Variants in ZMIZ1 observed in about 807,000 individuals in gnomAD.
The protein encoded by ZMIZ1 is zinc finger MIZ domain-containing protein 1.
In ZMIZ1, 17 loss-of-function variants were observed where a neutral mutation model predicts 113.9. The ratio of observed to expected loss-of-function variants is 0.15; its 90% CI spans 0.10 to 0.22. The LOEUF (loss-of-function observed/expected upper bound fraction) is 0.22. Ranked by LOEUF, ZMIZ1 falls within the 10% of genes least tolerant of loss-of-function variation. The pLI, the probability that ZMIZ1 is intolerant of heterozygous loss-of-function variation, is 1.00. For synonymous variants in ZMIZ1, 607 were observed against 603.1 expected (o/e 1.01, Z -0.09); for missense variants, 1,059 against 1,477.8 (o/e 0.72, Z 4.65).
chr10:79,106,937 C>A (rs1447017360), intron 1 of ZMIZ1, among the ~76,000 whole-genome samples: 1 of 152,276 alleles, frequency 6.6e-6, no homozygotes, highest in East Asian at 1.9e-4. Flanking sequence ...CCTGCCTGAA[C>A]AGGCATTTGG....
intron 3 of ZMIZ1, among the ~76,000 whole-genome samples, chr10:79,145,096 C>T (rs555657230): frequency 2.8e-4 from 43 of 152,112 alleles, no homozygotes; most frequent in African/African-American, 9.9e-4. Context: ...CTCCTTCCTG[C>T]CCTCTTTCCC....
intron 3 of ZMIZ1, among the ~76,000 whole-genome samples, chr10:79,153,835 T>C (rs1362734629): frequency 2.6e-5 from 4 of 152,234 alleles, no homozygotes; most frequent in African/African-American, 9.6e-5. Flanking sequence ...AACAGGACTT[T>C]CCTTTGTCCG....
At chr10:79,178,700 C>CGCAT (rs1846977019) in intron 4 of ZMIZ1, among the ~76,000 whole-genome samples, 1 of 152,238 alleles carries the variant, frequency 6.6e-6, no homozygotes, top group South Asian at 2.1e-4. Flanking sequence ...CCCCCACCCC[C>CGCAT]GCATGCTTCC....
In ZMIZ1 at chr10:79,315,114, C is replaced by T. The variant is rs966292122; in HGVS notation, c.*2365C>T. Reference sequence around the variant, plus strand: ...CCCCGGGCACCTCCTGCAACCATCTCTGGGCTCAGCACCTGAGGCGGGTTT... The same window carrying T: ...CCCCGGGCACCTCCTGCAACCATCTTTGGGCTCAGCACCTGAGGCGGGTTT... On this transcript the variant is annotated 3_prime_UTR_variant, in exon 25 of 25. Coordinates refer to ENST00000334512, the MANE Select transcript of ZMIZ1 (RefSeq NM_020338.4). The T allele has an allele frequency of 1.2e-4, 18 of 153,074 alleles. No individual in the cohort carries two copies. The highest frequency in any genetic ancestry group is 4.3e-4 in the African/African-American group (18 of 41,574). 9.5% of individuals were successfully genotyped at this position (153,074 alleles called of 1,614,324 possible).
At chr10:79,083,792 A>C (rs941069368) in intron 1 of ZMIZ1, among the ~76,000 whole-genome samples, 1 of 152,036 alleles carries the variant, frequency 6.6e-6, no homozygotes, top group African/African-American at 2.4e-5. Context: ...ATGCCTGTCC[A>C]CCTCCGTGAA....
chr10:79,184,039 G>A (rs921559518), intron 4 of ZMIZ1, among the ~76,000 whole-genome samples: 2 of 152,194 alleles, frequency 1.3e-5, no homozygotes, highest in African/African-American at 2.4e-5. Context: ...CTCAGGAAAC[G>A]TCGGCCAGCG....
At chr10:79,309,488 C>T (rs540354176) in intron 23 of ZMIZ1, among the ~76,000 whole-genome samples, 11 of 152,296 alleles carry the variant, frequency 7.2e-5, no homozygotes, top group South Asian at 2.1e-4. Context: ...GTCTCATAAA[C>T]GGGTCTCCCA....
rs146213655 is a variant in ZMIZ1, at chr10:79,171,015, G to T, written c.-50+8882G>T. ...ACTGGTCCCTTCTTGGACCCGCACT[G>T]TCAGCCTAAATCAAGAACCCCCTCC... On this transcript the variant is annotated intron_variant, in intron 4 of 24. Transcript: ENST00000334512. Among the ~76,000 whole-genome samples the T allele has an allele frequency of 3.3e-3, 500 of 152,318 alleles. 5 individuals carry two copies. Among genetic ancestry groups the T allele is most frequent in the African/African-American group, 0.011 (464 of 41,570 alleles).
intron 7 of ZMIZ1, among the ~76,000 whole-genome samples, chr10:79,250,458 G>C (rs1850479136): frequency 6.6e-6 from 1 of 152,266 alleles, no homozygotes; most frequent in African/African-American, 2.4e-5. Context: ...AAGCTGCCTG[G>C]CTGTCCCTCC....
chr10:79,161,435 A>C (rs1442521908), intron 3 of ZMIZ1, among the ~76,000 whole-genome samples: 4 of 152,098 alleles, frequency 2.6e-5, no homozygotes, highest in African/African-American at 7.2e-5. Context: ...ACAGACCCCA[A>C]GTCCTCCACT....
intron 5 of ZMIZ1, among the ~76,000 whole-genome samples, chr10:79,202,896 A>T (rs1848160737): frequency 6.6e-6 from 1 of 152,224 alleles, no homozygotes; most frequent in African/African-American, 2.4e-5. Flanking sequence ...TGAGATCTCA[A>T]GCTAGTCCTC....
chr10:79,090,370 G>A (rs1842949081), intron 1 of ZMIZ1, among the ~76,000 whole-genome samples: 1 of 152,162 alleles, frequency 6.6e-6, no homozygotes. Context: ...TGGCAAGATT[G>A]CTCAAGACCC....
At chr10:79,310,644 T>C (rs1179852693) in intron 23 of ZMIZ1, among the ~76,000 whole-genome samples, 1 of 151,940 alleles carries the variant, frequency 6.6e-6, no homozygotes, top group Non-Finnish European at 1.5e-5. Flanking sequence ...CAGGCCCAGC[T>C]CCCCGTGTCT....
At chr10:79,281,699 G>A (rs1222330551) in intron 8 of ZMIZ1, among the ~76,000 whole-genome samples, 3 of 152,226 alleles carry the variant, frequency 2.0e-5, no homozygotes, top group East Asian at 3.8e-4. Context: ...CTAACCAGTC[G>A]GTTCCGTGGA....
rs553782581 is a variant in ZMIZ1, at chr10:79,081,854, G to A, written c.-337+12584G>A. ...GCATGCTGTCCAGTATCACTGCATC[G>A]GGGAGTGTAATGTTTCATTACCATG... is the stretch of plus-strand genomic sequence containing the variant. On this transcript the variant is annotated intron_variant, in intron 1 of 24. Coordinates refer to ENST00000334512, the MANE Select transcript of ZMIZ1 (RefSeq NM_020338.4). 2.3e-4 allele frequency among the ~76,000 whole-genome samples: 35 copies of A among 152,340 alleles called. No individual in the cohort carries two copies. In the South Asian group the frequency reaches 5.0e-3, roughly 22 times the overall value.
intron 4 of ZMIZ1, among the ~76,000 whole-genome samples, chr10:79,170,122 C>G (rs1846539258): frequency 6.6e-6 from 1 of 152,244 alleles, no homozygotes; most frequent in African/African-American, 2.4e-5. Flanking sequence ...TTCTGTAGAT[C>G]TGGAGTTGGG....
chr10:79,105,331 C>T (rs191161285), intron 1 of ZMIZ1, among the ~76,000 whole-genome samples: 3 of 152,294 alleles, frequency 2.0e-5, no homozygotes, highest in Admixed American at 1.3e-4. Flanking sequence ...AGACCAGGGT[C>T]GGAAGCCGGG....
intron 6 of ZMIZ1, among the ~76,000 whole-genome samples, chr10:79,215,247 G>A (rs1250583): frequency 0.35 from 53,114 of 151,838 alleles, 10,329 homozygotes; most frequent in Non-Finnish European, 0.46. Flanking sequence ...AGCCTTAGTC[G>A]ATTAAGCAGC....
chr10:79,106,034 G>A (rs1188837862), intron 1 of ZMIZ1, among the ~76,000 whole-genome samples: 6 of 152,184 alleles, frequency 3.9e-5, no homozygotes, highest in South Asian at 2.1e-4. Flanking sequence ...TCCCTAAGAC[G>A]GTGGGGCTAC....
Sources: gnomAD v4.1 joint callset for allele counts (sites outside exome capture counted in the v4.1 genomes callset) on GRCh38, gnomAD v4.1.1 for gene constraint, MANE v1.5 for transcripts, NCBI Gene and HGNC (gene_info 2026-07-23, HGNC 2026-07-21) for gene names.